HTR6: variants seen among roughly 807,000 people sequenced by gnomAD.
The protein encoded by HTR6 is 5-hydroxytryptamine (serotonin) receptor 6, G protein-coupled.
Under a neutral mutation model 17.4 loss-of-function variants are expected in HTR6, and 15 were observed. The observed-to-expected ratio is 0.86, with a 90% CI of 0.58 to 1.33. The LOEUF (loss-of-function observed/expected upper bound fraction) is 1.33, where lower values mean the gene tolerates loss of function less well. Ranked by LOEUF, HTR6 falls within the 40% of genes most tolerant of loss-of-function variation. The probability of loss-of-function intolerance (pLI) is 0.00; values close to 1 mark genes in which losing one functional copy is unlikely to be tolerated. For missense variants in HTR6, 578 were observed against 616.0 expected (o/e 0.94, Z 0.65); for synonymous variants, 326 against 295.5 (o/e 1.10, Z -1.06).
At chr1:19,675,865 T>C (rs180832093) in intron 1 of HTR6, among the ~76,000 whole-genome samples, 2 of 152,224 alleles carry the variant, frequency 1.3e-5, no homozygotes, top group East Asian at 1.9e-4. Flanking sequence ...ACAAAAGCCA[T>C]ATAGAGTCCA....
At position 19,679,641 on chromosome 1, in the gene HTR6, G is replaced by T. The variant is rs939250919; in HGVS notation, c.*273G>T. On this transcript the variant is annotated 3_prime_UTR_variant, in exon 3 of 3. Transcript: ENST00000289753. The surrounding 1 kb of genome is among the most constrained non-coding windows in gnomAD (Gnocchi z 4.9). Reference sequence around the variant, plus strand: ...ATGGGCTGGAGGACTCTGGATGTTGGGGAGAAGGACCTCTTGGTTCAGGTT... The same window carrying T: ...ATGGGCTGGAGGACTCTGGATGTTGTGGAGAAGGACCTCTTGGTTCAGGTT... 4.4e-6 allele frequency: 2 copies of T among 453,192 alleles called. No individual in the cohort carries two copies. The highest frequency in any genetic ancestry group is 7.7e-6 in the Non-Finnish European group (2 of 258,876). The allele number at this position is 453,192 out of a possible 1,614,324, so 28.1% of individuals were successfully genotyped here.
intron 1 of HTR6, among the ~76,000 whole-genome samples, chr1:19,673,400 A>C (rs1427653335): frequency 6.6e-6 from 1 of 152,236 alleles, no homozygotes; most frequent in African/African-American, 2.4e-5. Flanking sequence ...CACTATGATC[A>C]GATGATGGTA....
At chr1:19,671,289 A>G (rs1169564939) in intron 1 of HTR6, among the ~76,000 whole-genome samples, 3 of 152,218 alleles carry the variant, frequency 2.0e-5, no homozygotes, top group Non-Finnish European at 2.9e-5. Context: ...CTTCTAAGGC[A>G]GAGTGACTCA....
rs1231805585 is a variant in HTR6 at position 19,679,467 on chromosome 1, T to C, written c.*99T>C. The C allele has an allele frequency of 7.0e-7, 1 of 1,431,206 alleles. No homozygotes were observed. The highest frequency in any genetic ancestry group is 9.2e-7 in the Non-Finnish European group (1 of 1,092,476). The allele number at this position is 1,431,206 out of a possible 1,614,324, so 88.7% of individuals were successfully genotyped here. A position where few individuals can be genotyped will look rare whatever the true frequency, so the allele number is the denominator to read the frequency against. On this transcript the variant is annotated 3_prime_UTR_variant, in exon 3 of 3. Coordinates refer to ENST00000289753, the MANE Select transcript of HTR6 (RefSeq NM_000871.3). The surrounding 1 kb of genome is among the most constrained non-coding windows in gnomAD (Gnocchi z 4.9). The stretch of plus-strand genomic sequence containing the variant: ...GGCTAAGACCAGGAGGCTGCAAGTC[T>C]CCTAGAAGCCCTCTGAGCTCCAGAG...
At chr1:19,672,446 G>C (rs1332999745) in intron 1 of HTR6, among the ~76,000 whole-genome samples, 1 of 152,070 alleles carries the variant, frequency 6.6e-6, no homozygotes, top group Non-Finnish European at 1.5e-5. Context: ...AAATATCTGT[G>C]AGGGGGAGGA....
intron 1 of HTR6, among the ~76,000 whole-genome samples, chr1:19,673,771 A>G (rs533144157): frequency 6.7e-4 from 102 of 152,326 alleles, no homozygotes; most frequent in African/African-American, 2.4e-3. Flanking sequence ...AAATTCAACA[A>G]TAGGGATGAA....
chr1:19,679,493 G>A lies in HTR6; in HGVS notation c.*125G>A. 4 of 1,379,122 alleles carry A rather than the reference G, an allele frequency of 2.9e-6. No homozygotes were observed. Among genetic ancestry groups the A allele is most frequent in the Non-Finnish European group, 3.8e-6 (4 of 1,048,872 alleles). The allele number at this position is 1,379,122 out of a possible 1,614,324, so 85.4% of individuals were successfully genotyped here. A position where few individuals can be genotyped will look rare whatever the true frequency, so the allele number is the denominator to read the frequency against. ...CCTAGAAGCCCTCTGAGCTCCAGAGGGGTGCGCAGAGCTGACCCCCTGCTG... is the reference window on the plus strand; with the variant it reads ...CCTAGAAGCCCTCTGAGCTCCAGAGAGGTGCGCAGAGCTGACCCCCTGCTG... On this transcript the variant is annotated 3_prime_UTR_variant, in exon 3 of 3. Coordinates refer to ENST00000289753, the MANE Select transcript of HTR6 (RefSeq NM_000871.3). This position sits in a 1 kb window ranked among gnomAD's most constrained non-coding sequence, Gnocchi z 4.9.
In HTR6 at chr1:19,679,196, C is replaced by T. The variant is rs200289603; in HGVS notation, c.1151C>T (p.Ala384Val). ...LPPDSDSDSD[A>V]GSGGSSGLRL... ...CCGGACTCAGATTCGGACTCAGACG[C>T]AGGCTCAGGCGGCTCCTCGGGCCTG... is the stretch of plus-strand genomic sequence containing the variant. The change falls in exon 3 of 3, where the codon GCA becomes GTA. Residue 384 changes from alanine (A) to valine (V), a missense_variant. Physicochemically the swap from Ala to Val is moderately conservative, Grantham distance 64 (BLOSUM62 0). Transcript: ENST00000289753. The surrounding 1 kb of genome is among the most constrained non-coding windows in gnomAD (Gnocchi z 4.9). 3.2e-4 allele frequency: 507 copies of T among 1,575,632 alleles called. 1 individual carries two copies. Among genetic ancestry groups the T allele is most frequent in the South Asian group, 2.1e-3 (187 of 87,850 alleles).
intron 1 of HTR6, among the ~76,000 whole-genome samples, chr1:19,677,121 G>C (rs2095095345): frequency 1.3e-5 from 2 of 152,086 alleles, no homozygotes; most frequent in Admixed American, 1.3e-4. Context: ...GAGACTTCAA[G>C]GTCATCTCTG....
In HTR6 at chr1:19,665,737, G is replaced by A. The variant is rs776496438; in HGVS notation, c.-17G>A. On this transcript the variant is annotated 5_prime_UTR_variant, in exon 1 of 3. Coordinates refer to ENST00000289753, the MANE Select transcript of HTR6 (RefSeq NM_000871.3). The surrounding 1 kb of genome is among the most constrained non-coding windows in gnomAD (Gnocchi z 4.2). ...CCCGCCACCCTATCACTCCCTTGCCGTCCACCCTCGGTCCTCATGGTCCCA... is the reference window on the plus strand; with the variant it reads ...CCCGCCACCCTATCACTCCCTTGCCATCCACCCTCGGTCCTCATGGTCCCA... 9.6e-5 allele frequency: 139 copies of A among 1,443,892 alleles called. No homozygotes were observed. The highest frequency in any genetic ancestry group is 1.2e-4 in the Non-Finnish European group (132 of 1,091,266). The allele number at this position is 1,443,892 out of a possible 1,614,324, so 89.4% of individuals were successfully genotyped here.
At chr1:19,667,446 C>T (rs151317666) in intron 1 of HTR6, among the ~76,000 whole-genome samples, 1,798 of 151,740 alleles carry the variant, frequency 0.012, 21 homozygotes, top group South Asian at 0.03. Flanking sequence ...GACGGAGTCT[C>T]GCTCTGTTGC....
At chr1:19,677,770 G>A (rs777302273) in intron 1 of HTR6, among the ~76,000 whole-genome samples, 4 of 152,124 alleles carry the variant, frequency 2.6e-5, no homozygotes, top group Non-Finnish European at 5.9e-5. Flanking sequence ...ACAGAGTCTC[G>A]CTCTGTCACC....
Position 19,678,654 on chromosome 1 carries a change from C to T in HTR6, c.802C>T (p.Leu268=), listed in dbSNP as rs1449441094. ...CAGCAGGAAGGCCCTGAAGGCCAGC[C>T]TGACGCTGGGCATCCTGCTGGGCAT... ...KHSRKALKAS[L]TLGILLGMFF... is the part of the protein sequence containing the mutation. Residue 268 remains leucine (L), a synonymous_variant, in exon 2 of 3, where the codon CTG becomes TTG. Coordinates refer to ENST00000289753, the MANE Select transcript of HTR6 (RefSeq NM_000871.3). 6.2e-7 allele frequency: 1 copy of T among 1,613,878 alleles called. No homozygotes were observed. Among genetic ancestry groups the T allele is most frequent in the Admixed American group, 1.7e-5 (1 of 60,030 alleles).
At chr1:19,669,848 C>G (rs2095085791) in intron 1 of HTR6, among the ~76,000 whole-genome samples, 1 of 152,148 alleles carries the variant, frequency 6.6e-6, no homozygotes, top group South Asian at 2.1e-4. Context: ...GTTGGCCAGG[C>G]TGGTCTCGAA....
intron 1 of HTR6, among the ~76,000 whole-genome samples, chr1:19,678,122 T>A (rs1233068100): frequency 6.6e-6 from 1 of 152,198 alleles, no homozygotes; most frequent in Non-Finnish European, 1.5e-5. Flanking sequence ...GTGTCACGTA[T>A]TGTCTTTGCA....
chr1:19,674,406 C>CTCTT (rs35519421), intron 1 of HTR6, among the ~76,000 whole-genome samples: 3 of 129,356 alleles, frequency 2.3e-5, no homozygotes, highest in African/African-American at 8.6e-5. Context: ...CCACTCTTCT[C>CTCTT]TTTTTTTTTT....
rs1458073241 is a variant in HTR6, at chr1:19,679,881, G to T, written c.*513G>T. Among the ~76,000 whole-genome samples the T allele has an allele frequency of 1.3e-5, 2 of 152,210 alleles. No individual in the cohort carries two copies. Among genetic ancestry groups the T allele is most frequent in the African/African-American group, 4.8e-5 (2 of 41,454 alleles). ...CTGAGTCAGAACTGCATGTTACCAA[G>T]ATCCCAGGTGAATCATGTGCCCATT... On this transcript the variant is annotated 3_prime_UTR_variant, in exon 3 of 3. Coordinates refer to ENST00000289753, the MANE Select transcript of HTR6 (RefSeq NM_000871.3). The surrounding 1 kb of genome is among the most constrained non-coding windows in gnomAD (Gnocchi z 4.9).
intron 1 of HTR6, among the ~76,000 whole-genome samples, chr1:19,671,830 C>T (rs2095088621): frequency 6.6e-6 from 1 of 152,034 alleles, no homozygotes; most frequent in Admixed American, 6.5e-5. Flanking sequence ...TTTTAAAAGG[C>T]CACTGGTTGG....
chr1:19,668,035 G>A (rs1468371210), intron 1 of HTR6, among the ~76,000 whole-genome samples: 1 of 152,220 alleles, frequency 6.6e-6, no homozygotes, highest in African/African-American at 2.4e-5. Flanking sequence ...CCACCCAGGT[G>A]GGTGAGGCCC....
Sources: gnomAD v4.1 joint callset for allele counts (sites outside exome capture counted in the v4.1 genomes callset) on GRCh38, gnomAD v4.1.1 for gene constraint, Gnocchi (gnomAD v3.1) non-coding constraint, MANE v1.5 for transcripts, NCBI Gene and HGNC (gene_info 2026-07-23, HGNC 2026-07-21) for gene names.